ACADS: variants seen among roughly 807,000 people sequenced by gnomAD.
ACADS encodes the protein short-chain specific acyl-CoA dehydrogenase, mitochondrial.
Under a neutral mutation model 46.8 loss-of-function variants are expected in ACADS, and 28 were observed. The observed-to-expected ratio is 0.60, with a 90% CI of 0.44 to 0.82. ACADS has a LOEUF of 0.82. Among genes scored for constraint, ACADS ranks in the 40% least tolerant of loss-of-function variants. ACADS has a pLI of 0.00. For synonymous variants in ACADS, 236 were observed against 237.7 expected (o/e 0.99, Z 0.07); for missense variants, 528 against 578.0 (o/e 0.91, Z 0.89).
Position 120,727,096 on chromosome 12 carries a change from G to T in ACADS, c.117G>T (p.Gln39His). 1.2e-6 allele frequency: 2 copies of T among 1,614,204 alleles called. No individual in the cohort carries two copies. The highest frequency in any genetic ancestry group is 1.7e-6 in the Non-Finnish European group (2 of 1,180,036). ...CTGTGGAACTGCCCGAGACACACCA[G>T]ATGTTGCTCCAGACATGCCGGGACT... ...YQSVELPETH[Q>H]MLLQTCRDFA... The change falls in exon 2 of 10, where the codon CAG becomes CAT. Residue 39 changes from glutamine (Q) to histidine (H), a missense_variant. Transcript: ENST00000242592.
At chr12:120,726,035 C>G in intron 1 of ACADS, 104 bp downstream of exon 1, 1 of 1,245,562 alleles carries the variant, frequency 8.0e-7, no homozygotes, top group Non-Finnish European at 1.1e-6. Flanking sequence ...CAGGCGGAGC[C>G]CCACTCCGGG....
At chr12:120,726,916 T>TG in intron 1 of ACADS, 110 bp from the exon 2 acceptor site, 1 of 1,227,914 alleles carries the variant, frequency 8.1e-7, no homozygotes, top group Non-Finnish European at 1.2e-6. Context: ...CTCCAGACAT[T>TG]GCCAGATGTC....
chr12:120,730,736 C>T (rs912022914), intron 2 of ACADS, among the ~76,000 whole-genome samples: 3 of 152,128 alleles, frequency 2.0e-5, no homozygotes, highest in Non-Finnish European at 2.9e-5. Flanking sequence ...GCGATTGGCT[C>T]ATGTGCCATT....
chr12:120,735,792 G>A (rs914536954), intron 2 of ACADS, among the ~76,000 whole-genome samples: 8 of 152,034 alleles, frequency 5.3e-5, no homozygotes, highest in Admixed American at 2.0e-4. Context: ...TCAGCTACTC[G>A]GTAGGCTGAG....
intron 2 of ACADS, among the ~76,000 whole-genome samples, chr12:120,731,984 CAGA>C (rs1458789123): frequency 3.9e-5 from 6 of 152,352 alleles, no homozygotes; most frequent in Middle Eastern, 3.4e-3. Flanking sequence ...CATCCCAAGG[CAGA>C]AGAATTTTTC....
At chr12:120,738,976 G>A (rs566185314) in intron 8 of ACADS, 61 bp downstream of exon 8, 2 of 1,604,126 alleles carry the variant, frequency 1.2e-6, no homozygotes, top group South Asian at 1.1e-5. Flanking sequence ...ACGGGGAGAG[G>A]TTGGGGCGGG....
rs745876621 is a variant in ACADS, at chr12:120,737,389, T to G, written c.394T>G (p.Ser132Ala). ...LYLGPILKFG[S>A]KEQKQAWVTP... ...CCTGGGGCCCATCTTGAAGTTTGGC[T>G]CCAAGGAGCAGAAGCAGGCGTGGGT... is the stretch of plus-strand genomic sequence containing the variant. The change falls in exon 4 of 10, where the codon TCC (serine) becomes GCC (alanine). Residue 132 changes from serine (S) to alanine (A), a missense_variant. Ser to Ala is a moderately conservative substitution (Grantham distance 99). Transcript: ENST00000242592. 3.7e-6 allele frequency: 6 copies of G among 1,614,026 alleles called. No individual in the cohort carries two copies. The highest frequency in any genetic ancestry group is 1.1e-5 in the South Asian group (1 of 91,096).
intron 2 of ACADS, among the ~76,000 whole-genome samples, chr12:120,733,910 G>A (rs1004526980): frequency 6.6e-6 from 1 of 151,316 alleles, no homozygotes; most frequent in African/African-American, 2.4e-5. Context: ...CTTGAGAAAT[G>A]CTGTTCACGA....
intron 6 of ACADS, 37 bp from the exon 7 acceptor site, chr12:120,738,496 C>G: frequency 6.2e-7 from 1 of 1,605,766 alleles, no homozygotes; most frequent in Non-Finnish European, 8.5e-7. Flanking sequence ...GGCCCGCGCC[C>G]CGGCTGGCGG....
At chr12:120,732,118 G>GTC (rs1883265581) in intron 2 of ACADS, among the ~76,000 whole-genome samples, 1 of 152,144 alleles carries the variant, frequency 6.6e-6, no homozygotes, top group African/African-American at 2.4e-5. Flanking sequence ...AACTGCCATC[G>GTC]TCATCATGGC....
chr12:120,725,942 T>C lies in ACADS; in HGVS notation c.46+11T>C. The C allele has an allele frequency of 6.5e-7, 1 of 1,542,000 alleles. No individual in the cohort carries two copies. Among genetic ancestry groups the C allele is most frequent in the Non-Finnish European group, 8.7e-7 (1 of 1,153,840 alleles). On this transcript the variant is annotated intron_variant, in intron 1 of 9. Transcript: ENST00000242592. ...GCCCTGCCCGCAGAGGTGAGTGCGC[T>C]GGGGATCCGTACGGCGGGGCTTCAG...
At chr12:120,739,074 G>T in intron 8 of ACADS, 66 bp from the exon 9 acceptor site, 2 of 1,603,568 alleles carry the variant, frequency 1.2e-6, no homozygotes, top group South Asian at 1.1e-5. Flanking sequence ...CCTGCTGAGG[G>T]AGTGGGGGAG....
intron 2 of ACADS, among the ~76,000 whole-genome samples, chr12:120,731,965 G>C (rs1015040294): frequency 6.6e-6 from 1 of 152,224 alleles, no homozygotes; most frequent in Non-Finnish European, 1.5e-5. Flanking sequence ...TAAGGTCATA[G>C]ATCAACAGCA....
chr12:120,735,336 G>A (rs371984056), intron 2 of ACADS, among the ~76,000 whole-genome samples: 1 of 131,576 alleles, frequency 7.6e-6, no homozygotes, highest in South Asian at 2.6e-4. Context: ...GTGAGTCACT[G>A]TGCGCAGTCC....
At chr12:120,734,755 T>A (rs1355808957) in intron 2 of ACADS, among the ~76,000 whole-genome samples, 1 of 146,848 alleles carries the variant, frequency 6.8e-6, no homozygotes, top group Non-Finnish European at 1.5e-5. Context: ...AAACAATAAT[T>A]TTTTTTTTTT....
chr12:120,728,687 A>G lies in ACADS; in HGVS notation c.210+1498A>G, dbSNP rs889024792. On this transcript the variant is annotated intron_variant, in intron 2 of 9. Coordinates refer to ENST00000242592, the MANE Select transcript of ACADS (RefSeq NM_000017.4). The surrounding 1 kb of genome is among the most constrained non-coding windows in gnomAD (Gnocchi z 4.0). Reference sequence around the variant, plus strand: ...ATACCCGGCTAATTTTATGTATTTTAGTAGAGACGGGGTTTCACCGTGTTG... The same window carrying G: ...ATACCCGGCTAATTTTATGTATTTTGGTAGAGACGGGGTTTCACCGTGTTG... Among the ~76,000 whole-genome samples, 1 of 151,538 alleles carries G rather than the reference A, an allele frequency of 6.6e-6. No individual in the cohort carries two copies. Among genetic ancestry groups the G allele is most frequent in the Non-Finnish European group, 1.5e-5 (1 of 67,906 alleles).
At chr12:120,738,497 C>T (rs374785582) in intron 6 of ACADS, 36 bp from the exon 7 acceptor site, 216 of 1,605,590 alleles carry the variant, frequency 1.3e-4, no homozygotes, top group Middle Eastern at 1.6e-4. Flanking sequence ...GCCCGCGCCC[C>T]GGCTGGCGGG....
intron 2 of ACADS, among the ~76,000 whole-genome samples, chr12:120,732,572 A>G (rs1370270279): frequency 6.9e-6 from 1 of 144,422 alleles, no homozygotes; most frequent in Non-Finnish European, 1.5e-5. Context: ...GACACTCCTC[A>G]GTTCCCAGAC....
At chr12:120,732,305 G>A (rs1188378181) in intron 2 of ACADS, among the ~76,000 whole-genome samples, 3 of 150,260 alleles carry the variant, frequency 2.0e-5, no homozygotes, top group Admixed American at 1.3e-4. Context: ...CTGGCCGGGC[G>A]GGGGCTGCCC....
Sources: gnomAD v4.1 joint callset for allele counts (sites outside exome capture counted in the v4.1 genomes callset) on GRCh38, gnomAD v4.1.1 for gene constraint, Gnocchi (gnomAD v3.1) non-coding constraint, MANE v1.5 for transcripts, NCBI Gene and HGNC (gene_info 2026-07-23, HGNC 2026-07-21) for gene names.